KSR1: variants seen among roughly 807,000 people sequenced by gnomAD.
The protein encoded by KSR1 is kinase suppressor of ras.
Under a neutral mutation model 92.9 loss-of-function variants are expected in KSR1, and 35 were observed. The ratio of observed to expected loss-of-function variants is 0.38; its 90% CI spans 0.29 to 0.50. KSR1 has a LOEUF of 0.50. Ranked by LOEUF, KSR1 falls within the 20% of genes least tolerant of loss-of-function variation. KSR1 has a pLI of 0.94. For missense variants in KSR1, 972 were observed against 1,158.5 expected (o/e 0.84, Z 2.34); for synonymous variants, 467 against 472.6 (o/e 0.99, Z 0.15).
At chr17:27,495,683 A>G (rs1391685545) in intron 1 of KSR1, among the ~76,000 whole-genome samples, 2 of 152,222 alleles carry the variant, frequency 1.3e-5, no homozygotes, top group Non-Finnish European at 2.9e-5. Context: ...CTGTGATTTC[A>G]GAATAACAGG....
rs543398379 is a variant in KSR1 at position 27,606,737 on chromosome 17, C to T, written c.1994+924C>T. 4.7e-5 allele frequency among the ~76,000 whole-genome samples: 7 copies of T among 149,892 alleles called. No individual in the cohort carries two copies. The South Asian group carries it at 1.5e-3, about 32-fold the overall frequency. ...GTAGAGTTGGGAAGAGTTGTATAATCAAGAGCTGATCACTGGTGGTCCCGT... is the reference window on the plus strand; with the variant it reads ...GTAGAGTTGGGAAGAGTTGTATAATTAAGAGCTGATCACTGGTGGTCCCGT... On this transcript the variant is annotated intron_variant, in intron 14 of 20. Coordinates refer to ENST00000644974, the MANE Select transcript of KSR1 (RefSeq NM_001394583.1).
At chr17:27,467,781 A>G (rs1332659423) in intron 1 of KSR1, among the ~76,000 whole-genome samples, 1 of 151,188 alleles carries the variant, frequency 6.6e-6, no homozygotes, top group Admixed American at 6.6e-5. Context: ...GTGCTCCATC[A>G]GGTGAAATGC....
intron 2 of KSR1, among the ~76,000 whole-genome samples, chr17:27,567,837 A>G (rs1237643732): frequency 6.6e-6 from 1 of 152,130 alleles, no homozygotes; most frequent in Non-Finnish European, 1.5e-5. Flanking sequence ...TCCTGGCACC[A>G]TTGTTTGGGG....
intron 1 of KSR1, among the ~76,000 whole-genome samples, chr17:27,461,272 G>GCA (rs1264365649): frequency 2.0e-5 from 3 of 152,092 alleles, no homozygotes; most frequent in African/African-American, 7.2e-5. Context: ...GTAGAGATAG[G>GCA]GTTTTGCCGT....
Position 27,460,172 on chromosome 17 carries a change from G to A in KSR1, c.231+3298G>A, listed in dbSNP as rs183782158. On this transcript the variant is annotated intron_variant, in intron 1 of 20. Transcript: ENST00000644974. ...CCGAGGCAAACGGGAATGTTCTTAT[G>A]CCCCAGTGTACTCACAGAGGGACAC... Among the ~76,000 whole-genome samples the A allele has an allele frequency of 2.1e-3, 315 of 152,214 alleles. 1 individual carries two copies. Among genetic ancestry groups the A allele is most frequent in the Non-Finnish European group, 1.1e-3 (74 of 68,014 alleles).
intron 10 of KSR1, among the ~76,000 whole-genome samples, chr17:27,600,408 C>G (rs2073514393): frequency 6.6e-6 from 1 of 151,864 alleles, no homozygotes; most frequent in Admixed American, 6.6e-5. Context: ...CCATTGCATT[C>G]CAGCCTGGAC....
intron 1 of KSR1, among the ~76,000 whole-genome samples, chr17:27,457,847 C>T (rs535762419): frequency 7.0e-4 from 106 of 152,236 alleles, no homozygotes; most frequent in African/African-American, 2.5e-3. Flanking sequence ...CCACATCTGG[C>T]CTCCTGCAGG....
At chr17:27,533,763 T>C (rs1353277797) in intron 1 of KSR1, among the ~76,000 whole-genome samples, 1 of 152,244 alleles carries the variant, frequency 6.6e-6, no homozygotes, top group Non-Finnish European at 1.5e-5. Context: ...AAGGGCTGTC[T>C]GTACGCATAA....
intron 7 of KSR1, among the ~76,000 whole-genome samples, 176 bp from the exon 8 acceptor site, chr17:27,592,185 A>G (rs1476608946): frequency 1.3e-5 from 2 of 152,214 alleles, no homozygotes; most frequent in African/African-American, 4.8e-5. Context: ...ATAGTGGCTC[A>G]GTGTAGCAGC....
At chr17:27,532,041 T>C (rs1597964394) in intron 1 of KSR1, among the ~76,000 whole-genome samples, 2 of 152,336 alleles carry the variant, frequency 1.3e-5, no homozygotes, top group African/African-American at 4.8e-5. Flanking sequence ...TTGTGTGAGT[T>C]TGACTAAGTC....
In KSR1 at chr17:27,559,982, A is replaced by G. The variant is rs529528795; in HGVS notation, c.372+9274A>G. Reference sequence around the variant, plus strand: ...TTCCAAATGAACATTAGAATTGTTTAAAGGAAAATAAAACTAGCAAGAAGG... The same window carrying G: ...TTCCAAATGAACATTAGAATTGTTTGAAGGAAAATAAAACTAGCAAGAAGG... On this transcript the variant is annotated intron_variant, in intron 2 of 20. Coordinates refer to ENST00000644974, the MANE Select transcript of KSR1 (RefSeq NM_001394583.1). This position sits in a 1 kb window ranked among gnomAD's most constrained non-coding sequence, Gnocchi z 4.2. Among the ~76,000 whole-genome samples the G allele has an allele frequency of 1.8e-4, 28 of 152,328 alleles. No homozygotes were observed. The highest frequency in any genetic ancestry group is 6.5e-4 in the African/African-American group (27 of 41,566).
intron 1 of KSR1, among the ~76,000 whole-genome samples, chr17:27,539,890 G>GGGAGCTGT: frequency 6.6e-6 from 1 of 152,348 alleles, no homozygotes; most frequent in Non-Finnish European, 1.5e-5. Flanking sequence ...CTTTGCAGGT[G>GGGAGCTGT]GGAGCTGTAT....
At chr17:27,492,410 C>A (rs751580557) in intron 1 of KSR1, among the ~76,000 whole-genome samples, 1 of 152,186 alleles carries the variant, frequency 6.6e-6, no homozygotes, top group Non-Finnish European at 1.5e-5. Flanking sequence ...CCGTGAATTC[C>A]TTTCTAGGAA....
intron 2 of KSR1, among the ~76,000 whole-genome samples, chr17:27,571,141 G>A (rs1215093645): frequency 6.6e-6 from 1 of 152,174 alleles, no homozygotes; most frequent in Non-Finnish European, 1.5e-5. Flanking sequence ...ACTCTCCTGG[G>A]AGGGGGTTTT....
intron 1 of KSR1, among the ~76,000 whole-genome samples, chr17:27,486,372 A>G (rs1357082185): frequency 6.6e-6 from 1 of 152,174 alleles, no homozygotes; most frequent in African/African-American, 2.4e-5. Flanking sequence ...GCATCAGGGT[A>G]AGTGCTCCCC....
chr17:27,516,617 G>A (rs2945412), intron 1 of KSR1, among the ~76,000 whole-genome samples: 97,341 of 151,904 alleles, frequency 0.64, 31,837 homozygotes, highest in African/African-American at 0.77. Context: ...TGAAAAGCAT[G>A]AAAGAAAATT....
intron 1 of KSR1, among the ~76,000 whole-genome samples, chr17:27,462,157 G>A (rs1360296715): frequency 6.6e-6 from 1 of 152,118 alleles, no homozygotes; most frequent in African/African-American, 2.4e-5. Context: ...CTAGGCTCTC[G>A]GCATATGTTG....
At chr17:27,495,230 G>A (rs115308391) in intron 1 of KSR1, among the ~76,000 whole-genome samples, 4,360 of 152,238 alleles carry the variant, frequency 0.029, 222 homozygotes, top group African/African-American at 0.099. Flanking sequence ...TATATGCAGC[G>A]GCTGCTCCTC....
At chr17:27,495,034 C>T (rs530032394) in intron 1 of KSR1, among the ~76,000 whole-genome samples, 5 of 152,320 alleles carry the variant, frequency 3.3e-5, no homozygotes, top group South Asian at 2.1e-4. Context: ...GTAAGCCGGG[C>T]GGCTGGGCAG....
Sources: gnomAD v4.1 joint callset for allele counts (sites outside exome capture counted in the v4.1 genomes callset) on GRCh38, gnomAD v4.1.1 for gene constraint, Gnocchi (gnomAD v3.1) non-coding constraint, MANE v1.5 for transcripts, NCBI Gene and HGNC (gene_info 2026-07-23, HGNC 2026-07-21) for gene names.